Variants in EXOC6B observed in about 807,000 individuals in gnomAD.
EXOC6B encodes SEC15 homolog B.
EXOC6B carries 54 observed loss-of-function variants against 113.5 expected under a neutral mutation model. The ratio of observed to expected loss-of-function variants is 0.48; its 90% CI spans 0.38 to 0.60. EXOC6B has a LOEUF of 0.60. EXOC6B is among the 20% of genes least tolerant of loss of function. EXOC6B has a pLI of 0.00. For synonymous variants in EXOC6B, 357 were observed against 339.0 expected, an observed-to-expected ratio of 1.05 and a Z score of -0.58; for missense variants, 797 against 977.5, an observed-to-expected ratio of 0.82 and a Z score of 2.46.
intron 11 of EXOC6B, among the ~76,000 whole-genome samples, chr2:72,508,184 A>AAAAAAAAAAACAAAAAAAAAC (rs923877882): frequency 1.1e-5 from 1 of 89,114 alleles, no homozygotes; most frequent in African/African-American, 6.7e-5. Context: ...AAAAAAAAAA[A>AAAAAAAAAAACAAAAAAAAAC]ACACCTAAAA....
chr2:72,741,514 A>AG (rs767167056), intron 1 of EXOC6B, 45 bp from the exon 2 acceptor site: 272 of 1,538,192 alleles, frequency 1.8e-4, no homozygotes, highest in Non-Finnish European at 2.2e-4. Flanking sequence ...GTTACTTCTA[A>AG]GAAGGAAAAA....
chr2:72,283,453 T>C (rs1171320024), intron 20 of EXOC6B, among the ~76,000 whole-genome samples: 1 of 152,152 alleles, frequency 6.6e-6, no homozygotes, highest in Non-Finnish European at 1.5e-5. Context: ...CAGAAACCTC[T>C]ATGGGAACCA....
At chr2:72,749,478 G>C (rs566447015) in intron 1 of EXOC6B, among the ~76,000 whole-genome samples, 1 of 151,774 alleles carries the variant, frequency 6.6e-6, no homozygotes, top group African/African-American at 2.4e-5. Flanking sequence ...AAGTAATTGC[G>C]GTTTTGCCAT....
chr2:72,421,752 C>T lies in EXOC6B; in HGVS notation c.1981-41882G>A, dbSNP rs371104308. ...GCACTTGAGGAGCCCTTCGGCCCGCCGCTGCACTGTGGGAGCCCCTTTCTG... is the reference window on the plus strand; with the variant it reads ...GCACTTGAGGAGCCCTTCGGCCCGCTGCTGCACTGTGGGAGCCCCTTTCTG... On this transcript the variant is annotated intron_variant, in intron 18 of 21. Coordinates refer to ENST00000272427, the MANE Select transcript of EXOC6B (RefSeq NM_015189.3). Among the ~76,000 whole-genome samples, 852 of 152,362 alleles carry T rather than the reference C, an allele frequency of 5.6e-3. 10 individuals carry two copies. Among genetic ancestry groups the T allele is most frequent in the African/African-American group, 0.019 (795 of 41,582 alleles).
At chr2:72,628,189 A>G (rs1297800092) in intron 6 of EXOC6B, among the ~76,000 whole-genome samples, 1 of 151,338 alleles carries the variant, frequency 6.6e-6, no homozygotes, top group Non-Finnish European at 1.5e-5. Context: ...CAGAAGCACA[A>G]TCATAGCTCA....
chr2:72,225,229 A>G (rs1681162080), intron 20 of EXOC6B, among the ~76,000 whole-genome samples: 1 of 152,082 alleles, frequency 6.6e-6, no homozygotes, highest in African/African-American at 2.4e-5. Flanking sequence ...TTTTATGTTC[A>G]TTAAAAGAAG....
intron 8 of EXOC6B, among the ~76,000 whole-genome samples, chr2:72,554,855 A>G (rs1258257113): frequency 6.6e-6 from 1 of 152,110 alleles, no homozygotes; most frequent in Non-Finnish European, 1.5e-5. Flanking sequence ...TGCTGCACCC[A>G]TCAACTCGTC....
At chr2:72,752,061 A>G (rs2104858569) in intron 1 of EXOC6B, among the ~76,000 whole-genome samples, 1 of 152,224 alleles carries the variant, frequency 6.6e-6, no homozygotes, top group Non-Finnish European at 1.5e-5. Flanking sequence ...AACTTTTGGT[A>G]TGTCTTTTAT....
chr2:72,531,337 C>A (rs1389259993), intron 8 of EXOC6B, among the ~76,000 whole-genome samples: 1 of 152,106 alleles, frequency 6.6e-6, no homozygotes, highest in Non-Finnish European at 1.5e-5. Flanking sequence ...AGAGTAGAAA[C>A]CTTACTTCCC....
intron 20 of EXOC6B, among the ~76,000 whole-genome samples, chr2:72,201,959 T>C (rs2104338022): frequency 6.6e-6 from 1 of 152,250 alleles, no homozygotes; most frequent in Admixed American, 6.5e-5. Context: ...AAAAGAAACC[T>C]CCTTGTTGTG....
intron 7 of EXOC6B, among the ~76,000 whole-genome samples, chr2:72,560,655 G>T (rs1343856471): frequency 6.6e-6 from 1 of 151,836 alleles, no homozygotes; most frequent in Admixed American, 6.6e-5. Context: ...TATATTTATG[G>T]GTTCAAACTT....
intron 6 of EXOC6B, among the ~76,000 whole-genome samples, chr2:72,685,041 T>G (rs1051737791): frequency 2.6e-5 from 4 of 152,108 alleles, no homozygotes; most frequent in Non-Finnish European, 4.4e-5. Context: ...CCTGAAGTGT[T>G]TAGAGGTGAA....
chr2:72,277,459 ATGGATGT>A (rs1684868171), intron 20 of EXOC6B, among the ~76,000 whole-genome samples: 1 of 151,950 alleles, frequency 6.6e-6, no homozygotes, highest in Admixed American at 6.6e-5. Context: ...CTAGTAAGAT[ATGGATGT>A]TGGTAATAAT....
At chr2:72,577,947 T>A (rs1407667820) in intron 6 of EXOC6B, among the ~76,000 whole-genome samples, 1 of 152,056 alleles carries the variant, frequency 6.6e-6, no homozygotes, top group Admixed American at 6.6e-5. Context: ...AGTTGTTCAT[T>A]CTATTTGTAA....
intron 3 of EXOC6B, among the ~76,000 whole-genome samples, chr2:72,732,213 A>G (rs1187948568): frequency 6.6e-6 from 1 of 151,974 alleles, no homozygotes; most frequent in Non-Finnish European, 1.5e-5. Flanking sequence ...CAGTGGCGCA[A>G]TCATGCCTCA....
At chr2:72,311,368 G>A (rs1687172311) in intron 20 of EXOC6B, among the ~76,000 whole-genome samples, 1 of 152,150 alleles carries the variant, frequency 6.6e-6, no homozygotes, top group Non-Finnish European at 1.5e-5. Context: ...CAGGCTGCCA[G>A]TTGAGGATCA....
intron 20 of EXOC6B, among the ~76,000 whole-genome samples, chr2:72,233,067 G>A (rs940742767): frequency 2.5e-4 from 37 of 148,942 alleles, no homozygotes; most frequent in Admixed American, 6.0e-4. Flanking sequence ...GTGAAACTCC[G>A]TCCCAAAAAA....
chr2:72,593,130 G>A (rs572412566), intron 6 of EXOC6B, among the ~76,000 whole-genome samples: 2 of 152,238 alleles, frequency 1.3e-5, no homozygotes, highest in Admixed American at 6.5e-5. Context: ...AGGGTAGCAC[G>A]CTTGAAGAGG....
At chr2:72,633,115 A>G (rs917809251) in intron 6 of EXOC6B, among the ~76,000 whole-genome samples, 1 of 152,156 alleles carries the variant, frequency 6.6e-6, no homozygotes, top group Non-Finnish European at 1.5e-5. Flanking sequence ...GACTCTTTTT[A>G]CCACTCATTG....
Sources: allele counts gnomAD v4.1 joint callset (sites outside exome capture counted in the v4.1 genomes callset), GRCh38; gene constraint gnomAD v4.1.1; transcripts MANE v1.5; gene names NCBI Gene and HGNC (gene_info 2026-07-23, HGNC 2026-07-21).